The following PDE10A variants were observed in gnomAD, a reference collection of about 807,000 sequenced individuals.
PDE10A encodes the protein cAMP and cAMP-inhibited cGMP 3',5'-cyclic phosphodiesterase 10A.
Under a neutral mutation model 97.7 loss-of-function variants are expected in PDE10A, and 39 were observed. That is an observed-to-expected ratio of 0.40 (90% CI 0.31 to 0.52). The LOEUF is 0.52. Among genes scored for constraint, PDE10A ranks in the 20% least tolerant of loss-of-function variants. The probability of loss-of-function intolerance (pLI) is 0.56; values close to 1 mark genes in which losing one functional copy is unlikely to be tolerated. For missense variants in PDE10A, 731 were observed against 1,047.8 expected (o/e 0.70, Z 4.17); for synonymous variants, 371 against 376.8 (o/e 0.98, Z 0.18).
chr6:165,767,787 G>T (rs754079353), intron 1 of PDE10A, among the ~76,000 whole-genome samples: 1 of 152,102 alleles, frequency 6.6e-6, no homozygotes, highest in Non-Finnish European at 1.5e-5. Context: ...TCTGGATATA[G>T]CTCGTAGTGG....
intron 13 of PDE10A, among the ~76,000 whole-genome samples, chr6:165,411,976 GTTATA>G (rs1787884342): frequency 6.6e-6 from 1 of 151,928 alleles, no homozygotes; most frequent in Admixed American, 6.6e-5. Flanking sequence ...TTCACGAACA[GTTATA>G]TTAACTATTG....
At chr6:165,821,663 C>G (rs939413743) in intron 1 of PDE10A, among the ~76,000 whole-genome samples, 1 of 152,084 alleles carries the variant, frequency 6.6e-6, no homozygotes, top group Non-Finnish European at 1.5e-5. Flanking sequence ...GTATTACAGG[C>G]GTGCACCTAG....
chr6:165,881,605 A>G (rs1395505152), intron 1 of PDE10A, among the ~76,000 whole-genome samples: 1 of 143,886 alleles, frequency 6.9e-6, no homozygotes, highest in East Asian at 2.1e-4. Flanking sequence ...GGGTTTCACC[A>G]TGTTGGCCAG....
At chr6:165,792,393 G>A (rs2128463813) in intron 1 of PDE10A, among the ~76,000 whole-genome samples, 1 of 152,212 alleles carries the variant, frequency 6.6e-6, no homozygotes, top group African/African-American at 2.4e-5. Context: ...GCCCTGGGCA[G>A]GTGCTCTGTT....
intron 5 of PDE10A, among the ~76,000 whole-genome samples, chr6:165,445,974 T>C (rs891763922): frequency 6.6e-6 from 1 of 151,898 alleles, no homozygotes; most frequent in African/African-American, 2.4e-5. Context: ...TCACCATCTG[T>C]CAGAGTTGGA....
chr6:165,881,694 C>T (rs965719422), intron 1 of PDE10A, among the ~76,000 whole-genome samples: 2 of 151,816 alleles, frequency 1.3e-5, no homozygotes, highest in Non-Finnish European at 2.9e-5. Flanking sequence ...GCCACTGAGC[C>T]CAGCCCAAGC....
At chr6:165,429,820 C>A (rs1391842846) in intron 9 of PDE10A, among the ~76,000 whole-genome samples, 1 of 151,862 alleles carries the variant, frequency 6.6e-6, no homozygotes, top group Admixed American at 6.6e-5. Context: ...TAGGCCAAAC[C>A]AGCGAAATAA....
intron 1 of PDE10A, among the ~76,000 whole-genome samples, chr6:165,636,733 T>C (rs1788897620): frequency 6.6e-6 from 1 of 152,224 alleles, no homozygotes; most frequent in South Asian, 2.1e-4. Flanking sequence ...ATTTGTGAAG[T>C]ACTAATTGGA....
chr6:165,828,841 G>T (rs920658811), intron 1 of PDE10A, among the ~76,000 whole-genome samples: 2 of 152,116 alleles, frequency 1.3e-5, no homozygotes, highest in African/African-American at 2.4e-5. Flanking sequence ...CTCCTGACTT[G>T]TTCTTGCCTG....
In PDE10A at chr6:165,332,270, T is replaced by A. The variant is rs561493063; in HGVS notation, c.*755A>T. On this transcript the variant is annotated 3_prime_UTR_variant, in exon 22 of 22. Transcript: ENST00000539869. ...CAACAACAAAAACAATTTTAAAAACTGACATCTTTTGAACTGCTACTTGAA... is the reference window on the plus strand; with the variant it reads ...CAACAACAAAAACAATTTTAAAAACAGACATCTTTTGAACTGCTACTTGAA... The A allele has an allele frequency of 1.8e-4, 28 of 152,350 alleles. No individual in the cohort carries two copies. Among genetic ancestry groups the A allele is most frequent in the African/African-American group, 6.3e-4 (26 of 41,590 alleles). 9.4% of individuals were successfully genotyped at this position (152,350 alleles called of 1,614,324 possible).
intron 1 of PDE10A, among the ~76,000 whole-genome samples, chr6:165,659,062 T>G (rs1790104828): frequency 2.0e-5 from 3 of 152,180 alleles, no homozygotes; most frequent in African/African-American, 7.2e-5. Context: ...TTACTAAGTG[T>G]TGTTTGGTGC....
chr6:165,702,613 C>T (rs762396950), intron 1 of PDE10A, among the ~76,000 whole-genome samples: 20 of 152,318 alleles, frequency 1.3e-4, no homozygotes, highest in Admixed American at 8.5e-4. Flanking sequence ...ACAGTGGCAG[C>T]GGGTGGCCCA....
intron 1 of PDE10A, among the ~76,000 whole-genome samples, chr6:165,622,480 C>T (rs1304261131): frequency 4.6e-5 from 7 of 152,226 alleles, no homozygotes; most frequent in East Asian, 1.9e-4. Context: ...TGGTACTGTA[C>T]GGAATACTGT....
Position 165,477,563 on chromosome 6 carries a change from G to C in PDE10A, c.1023+4752C>G, listed in dbSNP as rs985414939. On this transcript the variant is annotated intron_variant, in intron 3 of 21. Coordinates refer to ENST00000539869, the MANE Select transcript of PDE10A (RefSeq NM_001385079.1). The stretch of plus-strand genomic sequence containing the variant: ...AATGACTGATTAGAAAAATACAGTA[G>C]GTTAAGATACAGTAGTTTCAAAAGT... Among the ~76,000 whole-genome samples the C allele has an allele frequency of 6.6e-5, 10 of 152,104 alleles. No individual in the cohort carries two copies. In the East Asian group the frequency reaches 1.2e-3, roughly 18 times the overall value.
chr6:165,336,859 T>C (rs1037669072), intron 20 of PDE10A, among the ~76,000 whole-genome samples: 1 of 151,976 alleles, frequency 6.6e-6, no homozygotes, highest in African/African-American at 2.4e-5. Flanking sequence ...TCAAGTCCTG[T>C]GTTATCTCCA....
intron 1 of PDE10A, among the ~76,000 whole-genome samples, chr6:165,601,513 G>T (rs75482050): frequency 0.014 from 2,086 of 152,308 alleles, 53 homozygotes; most frequent in African/African-American, 0.048. Flanking sequence ...GTAGAGAAAT[G>T]AAAGAATTGG....
At chr6:165,866,674 C>A (rs9364821) in intron 1 of PDE10A, among the ~76,000 whole-genome samples, 6,454 of 24,346 alleles carry the variant, frequency 0.27, 198 homozygotes, top group East Asian at 0.44. Flanking sequence ...AGCAAAAAAA[C>A]AACAAAAAAG....
chr6:165,420,899 C>T (rs1048254342), intron 10 of PDE10A, among the ~76,000 whole-genome samples: 14 of 152,018 alleles, frequency 9.2e-5, no homozygotes, highest in African/African-American at 1.9e-4. Context: ...ATGTATGCTG[C>T]GTCACTGATA....
rs571445522 is a variant in PDE10A at position 165,877,966 on chromosome 6, C to T, written c.-615+109563G>A. ...AAGTGACGGAGCCTGGATAAAAACA[C>T]GGGTCTTTCCAGAGAAAAGCACATG... is the stretch of plus-strand genomic sequence containing the variant. On this transcript the variant is annotated intron_variant, in intron 1 of 19. Coordinates refer to the PDE10A transcript ENST00000366882. 2.6e-5 allele frequency among the ~76,000 whole-genome samples: 4 copies of T among 152,160 alleles called. No homozygotes were observed. The South Asian group carries it at 6.2e-4, about 24-fold the overall frequency.
Sources: gnomAD v4.1 joint callset for allele counts (sites outside exome capture counted in the v4.1 genomes callset) on GRCh38, gnomAD v4.1.1 for gene constraint, MANE v1.5 for transcripts, NCBI Gene and HGNC (gene_info 2026-07-23, HGNC 2026-07-21) for gene names.